The following PTPRG variants were observed in gnomAD, a reference collection of about 807,000 sequenced individuals.
PTPRG encodes the protein protein tyrosine phosphatase receptor type G.
PTPRG carries 102 observed loss-of-function variants against 165.3 expected under a neutral mutation model. The observed-to-expected ratio is 0.62, with a 90% CI of 0.53 to 0.73. The LOEUF is 0.73. Ranked by LOEUF, PTPRG falls within the 30% of genes least tolerant of loss-of-function variation. The probability of loss-of-function intolerance (pLI) is 0.00; values close to 1 mark genes in which losing one functional copy is unlikely to be tolerated. For synonymous variants in PTPRG, 675 were observed against 669.5 expected, an observed-to-expected ratio of 1.01 and a Z score of -0.13; for missense variants, 1,866 against 1,861.4, an observed-to-expected ratio of 1.00 and a Z score of -0.05.
At chr3:62,028,634 G>A (rs2107776770) in intron 4 of PTPRG, among the ~76,000 whole-genome samples, 1 of 152,304 alleles carries the variant, frequency 6.6e-6, no homozygotes, top group Non-Finnish European at 1.5e-5. Context: ...TTATACCAAG[G>A]CTTTGTTAGC....
chr3:61,666,599 C>A (rs1702819482), intron 1 of PTPRG, among the ~76,000 whole-genome samples: 1 of 152,190 alleles, frequency 6.6e-6, no homozygotes, highest in Non-Finnish European at 1.5e-5. Context: ...AGGTACCTGG[C>A]AGGTGGTTTT....
intron 1 of PTPRG, among the ~76,000 whole-genome samples, chr3:61,617,529 T>C (rs1379133931): frequency 6.6e-6 from 1 of 152,224 alleles, no homozygotes; most frequent in African/African-American, 2.4e-5. Context: ...CCAGATGGCC[T>C]TCATTTCTTT....
chr3:61,608,115 A>C (rs1045868930), intron 1 of PTPRG, among the ~76,000 whole-genome samples: 1 of 152,172 alleles, frequency 6.6e-6, no homozygotes, highest in Non-Finnish European at 1.5e-5. Flanking sequence ...CTGGTCCGCA[A>C]CTTGCCAGGG....
rs1278598323 is a variant in PTPRG, at chr3:62,237,081, A to G, written c.2375+5770A>G. ...TCAAGTTCAGCACTTTGCTTCTGAA[A>G]AATATTGGTCACTAAATTATTTCCA... On this transcript the variant is annotated intron_variant, in intron 14 of 29. Transcript: ENST00000474889. This position sits in a 1 kb window ranked among gnomAD's most constrained non-coding sequence, Gnocchi z 4.5. 6.6e-6 allele frequency among the ~76,000 whole-genome samples: 1 copy of G among 152,184 alleles called. No individual in the cohort carries two copies. Among genetic ancestry groups the G allele is most frequent in the East Asian group, 1.9e-4 (1 of 5,194 alleles).
Position 61,589,757 on chromosome 3 carries a change from ATGGATGAGTGGATGGGTAGAT to A in PTPRG, c.85+27386_85+27406del, listed in dbSNP as rs1559514371. On this transcript the variant is annotated intron_variant, in intron 1 of 29. Transcript: ENST00000474889. The stretch of plus-strand genomic sequence containing the variant: ...TGCTTAGTGAAGAGTTGTCGGGTGG[ATGGATGAGTGGATGGGTAGAT>A]GGGTGGATGGATAGGTGGATAGTGG... Among the ~76,000 whole-genome samples, 684 of 152,124 alleles carry A rather than the reference ATGGATGAGTGGATGGGTAGAT, an allele frequency of 4.5e-3. 4 individuals carry two copies. Among genetic ancestry groups the A allele is most frequent in the African/African-American group, 0.014 (572 of 41,498 alleles).
At chr3:61,789,088 CCTTTT>C (rs907205661) in intron 2 of PTPRG, among the ~76,000 whole-genome samples, 16 of 151,996 alleles carry the variant, frequency 1.1e-4, no homozygotes, top group South Asian at 6.2e-4. Flanking sequence ...CTTCTTTCCT[CCTTTT>C]CTTTTCTTTT....
At chr3:62,072,545 A>G (rs1216681573) in intron 4 of PTPRG, among the ~76,000 whole-genome samples, 1 of 152,170 alleles carries the variant, frequency 6.6e-6, no homozygotes, top group East Asian at 1.9e-4. Flanking sequence ...CCCTGGTGCA[A>G]GCAGTCTATC....
intron 1 of PTPRG, among the ~76,000 whole-genome samples, chr3:61,672,816 A>AGG: frequency 6.8e-6 from 1 of 148,082 alleles, no homozygotes; most frequent in African/African-American, 2.5e-5. Context: ...AGAGAGGGAG[A>AGG]GAGAGAGGGA....
At chr3:61,752,135 C>T (rs971945451) in intron 2 of PTPRG, among the ~76,000 whole-genome samples, 3 of 152,118 alleles carry the variant, frequency 2.0e-5, no homozygotes, top group Admixed American at 1.3e-4. Flanking sequence ...TCGCGATTGA[C>T]AGTGGGTGAT....
At chr3:61,619,564 C>A (rs1423246660) in intron 1 of PTPRG, among the ~76,000 whole-genome samples, 3 of 152,184 alleles carry the variant, frequency 2.0e-5, no homozygotes, top group Non-Finnish European at 2.9e-5. Flanking sequence ...CTTTGAGAAA[C>A]CCAACACTGA....
chr3:61,674,087 G>A (rs987469843), intron 1 of PTPRG, among the ~76,000 whole-genome samples: 2 of 151,840 alleles, frequency 1.3e-5, no homozygotes, highest in East Asian at 3.9e-4. Context: ...CGTAGATGAC[G>A]GGTTGATGGG....
chr3:61,921,103 CTCCTTCCATCCATCTCCT>C (rs1009550550), intron 2 of PTPRG, among the ~76,000 whole-genome samples: 2 of 146,674 alleles, frequency 1.4e-5, no homozygotes, highest in African/African-American at 2.5e-5. Context: ...TTCCATCCAT[CTCCTTCCATCCATCTCCT>C]TCCTTCCTTC....
At chr3:61,837,061 C>T (rs1210629547) in intron 2 of PTPRG, among the ~76,000 whole-genome samples, 1 of 152,202 alleles carries the variant, frequency 6.6e-6, no homozygotes, top group Admixed American at 6.5e-5. Context: ...CAGGTAGGCA[C>T]CCATCATCAT....
rs1323499564 is a variant in PTPRG at position 62,195,179 on chromosome 3, G to A, written c.1327+9G>A. The A allele has an allele frequency of 6.2e-7, 1 of 1,612,530 alleles. No individual in the cohort carries two copies. The highest frequency in any genetic ancestry group is 2.2e-5 in the East Asian group (1 of 44,864). On this transcript the variant is annotated intron_variant, in intron 10 of 29. Coordinates refer to ENST00000474889, the MANE Select transcript of PTPRG (RefSeq NM_002841.4). This position sits in a 1 kb window ranked among gnomAD's most constrained non-coding sequence, Gnocchi z 4.4. ...GACGATGCTGTTTCAAGGTGAGGCT[G>A]GCTTCCCCTCCTGTGGCCGGGGTGC...
intron 9 of PTPRG, among the ~76,000 whole-genome samples, chr3:62,193,874 C>T (rs1452535417): frequency 6.6e-6 from 1 of 152,216 alleles, no homozygotes; most frequent in African/African-American, 2.4e-5. Flanking sequence ...GATGATAAGA[C>T]AACTCATCTA....
intron 1 of PTPRG, among the ~76,000 whole-genome samples, chr3:61,640,974 T>G (rs1702043228): frequency 6.6e-6 from 1 of 152,146 alleles, no homozygotes; most frequent in Non-Finnish European, 1.5e-5. Flanking sequence ...CTGAGGAACT[T>G]GGTGTGGAGA....
At chr3:62,242,367 G>A (rs1478570797) in intron 14 of PTPRG, among the ~76,000 whole-genome samples, 1 of 152,188 alleles carries the variant, frequency 6.6e-6, no homozygotes, top group African/African-American at 2.4e-5. Flanking sequence ...TATTAGAGTA[G>A]TCCTGGGAGG....
At chr3:62,109,583 T>C (rs1559516953) in intron 5 of PTPRG, among the ~76,000 whole-genome samples, 2 of 152,080 alleles carry the variant, frequency 1.3e-5, no homozygotes, top group African/African-American at 2.4e-5. Context: ...CATTCCTCCT[T>C]TAATAGCTGG....
intron 2 of PTPRG, among the ~76,000 whole-genome samples, chr3:61,968,019 T>A (rs1322293168): frequency 1.3e-5 from 2 of 152,140 alleles, no homozygotes; most frequent in African/African-American, 4.8e-5. Context: ...GATGTTAAAA[T>A]ATATCAAGCA....
Sources: allele counts gnomAD v4.1 joint callset (sites outside exome capture counted in the v4.1 genomes callset), GRCh38; gene constraint gnomAD v4.1.1; non-coding constraint Gnocchi (gnomAD v3.1); transcripts MANE v1.5; gene names NCBI Gene and HGNC (gene_info 2026-07-23, HGNC 2026-07-21).